The following STARD9 variants were observed in gnomAD, a reference collection of about 807,000 sequenced individuals.
STARD9 encodes the protein StAR related lipid transfer domain containing 9.
STARD9 carries 346 observed loss-of-function variants against 399.8 expected under a neutral mutation model. That is an observed-to-expected ratio of 0.87 (90% CI 0.79 to 0.95). The LOEUF (loss-of-function observed/expected upper bound fraction) is 0.95, where lower values mean the gene tolerates loss of function less well. STARD9 is among the 40% of genes least tolerant of loss of function. The probability of loss-of-function intolerance (pLI) is 0.00; values close to 1 mark genes in which losing one functional copy is unlikely to be tolerated. For missense variants in STARD9, 5,832 were observed against 5,667.5 expected, an observed-to-expected ratio of 1.03 and a Z score of -0.93; for synonymous variants, 2,203 against 2,143.5, an observed-to-expected ratio of 1.03 and a Z score of -0.77.
chr15:42,581,381 G>T, intron 1 of STARD9: 1 of 1,483,492 alleles, frequency 6.7e-7, no homozygotes. Flanking sequence ...CCTCGGGCGT[G>T]GTGCAATAGT....
intron 26 of STARD9, among the ~76,000 whole-genome samples, chr15:42,698,949 G>A (rs1449801887): frequency 6.6e-6 from 1 of 151,742 alleles, no homozygotes; most frequent in Non-Finnish European, 1.5e-5. Context: ...TCTACCCTGC[G>A]GTAGTGTTAG....
intron 1 of STARD9, among the ~76,000 whole-genome samples, chr15:42,582,915 T>G (rs867140574): frequency 1.3e-5 from 2 of 152,350 alleles, no homozygotes; most frequent in South Asian, 4.1e-4. Context: ...CTAGGCTTCC[T>G]GGTCAGACAA....
chr15:42,692,838 C>T lies in STARD9; in HGVS notation c.11260C>T (p.Pro3754Ser), dbSNP rs1460220351. Residue 3754 changes from proline (P) to serine (S), a missense_variant, in exon 23 of 33, where the codon CCT becomes TCT. Pro to Ser is a moderately conservative substitution (Grantham distance 74, BLOSUM62 -1). Around this residue, in one of 2 missense-constraint regions of STARD9, gnomAD observed 5,828 missense variants for 5,651.1 expected, o/e 1.03. Transcript: ENST00000290607. ...GTGCCTCCAGACTTCAGAGGCTGAA[C>T]CTCAGGGAGCCAATGTGATCCTTGA... ...TLCLQTSEAEPQGANVILEGL... is the reference protein window; with the variant it reads ...TLCLQTSEAESQGANVILEGL... The T allele has an allele frequency of 6.5e-7, 1 of 1,537,236 alleles. No homozygotes were observed. Among genetic ancestry groups the T allele is most frequent in the Non-Finnish European group, 8.7e-7 (1 of 1,146,918 alleles).
intron 10 of STARD9, among the ~76,000 whole-genome samples, chr15:42,662,062 G>T (rs1315845074): frequency 6.6e-6 from 1 of 152,078 alleles, no homozygotes; most frequent in Non-Finnish European, 1.5e-5. Flanking sequence ...GAGGTGGGAG[G>T]ATCACTTGAG....
intron 3 of STARD9, among the ~76,000 whole-genome samples, chr15:42,608,286 G>C (rs1374829292): frequency 6.6e-6 from 1 of 152,156 alleles, no homozygotes; most frequent in Non-Finnish European, 1.5e-5. Context: ...AGTGTGGCTT[G>C]AGGGAAGACA....
chr15:42,587,284 G>T (rs1419782048), intron 3 of STARD9, among the ~76,000 whole-genome samples: 1 of 152,156 alleles, frequency 6.6e-6, no homozygotes, highest in Non-Finnish European at 1.5e-5. Flanking sequence ...CACAGATTTA[G>T]ATATTTCTAA....
chr15:42,695,692 G>A, intron 25 of STARD9, 51 bp from the exon 26 acceptor site: 1 of 1,514,664 alleles, frequency 6.6e-7, no homozygotes, highest in Non-Finnish European at 8.8e-7. Context: ...CGTGGCCTGG[G>A]GAAAGTGAGG....
chr15:42,634,388 A>T (rs2059383142), intron 3 of STARD9, among the ~76,000 whole-genome samples: 1 of 152,208 alleles, frequency 6.6e-6, no homozygotes, highest in Non-Finnish European at 1.5e-5. Flanking sequence ...TGTAGAAAAT[A>T]AATGCATGTG....
chr15:42,716,600 G>A (rs2061355262), intron 26 of STARD9, 77 bp from the exon 27 acceptor site: 6 of 910,260 alleles, frequency 6.6e-6, no homozygotes, highest in Admixed American at 2.0e-5. Context: ...TGGAAGCTGT[G>A]AGATGCAGTT....
intron 1 of STARD9, among the ~76,000 whole-genome samples, chr15:42,583,072 G>A (rs1371443866): frequency 6.6e-6 from 1 of 152,194 alleles, no homozygotes; most frequent in Non-Finnish European, 1.5e-5. Flanking sequence ...AGCGTAAGAT[G>A]AAGAACAATA....
intron 3 of STARD9, among the ~76,000 whole-genome samples, chr15:42,621,383 A>G (rs1330617299): frequency 6.6e-6 from 1 of 152,168 alleles, no homozygotes; most frequent in African/African-American, 2.4e-5. Flanking sequence ...ACCTGTTACT[A>G]TCATTGCTTA....
At position 42,690,688 on chromosome 15, in the gene STARD9, CAGAG is replaced by C. The variant is rs918697870; in HGVS notation, c.9113_9116del (p.Glu3038AlafsTer27). 8.5e-6 allele frequency: 13 copies of C among 1,537,110 alleles called. No homozygotes were observed. The African/African-American group carries it at 1.1e-4, about 13-fold the overall frequency. On this transcript the variant is annotated frameshift_variant, in exon 23 of 33. Coordinates refer to ENST00000290607, the MANE Select transcript of STARD9 (RefSeq NM_020759.3). LOFTEE classifies it high-confidence loss of function. ...GATGTTAACAGGGAATTTAGGCTAA[CAGAG>C]AGCAGCACTTGTGAGCCTTCTACTG...
At position 42,692,801 on chromosome 15, in the gene STARD9, C is replaced by T; in HGVS notation, c.11223C>T (p.Thr3741=). 6.5e-7 allele frequency: 1 copy of T among 1,537,204 alleles called. No individual in the cohort carries two copies. The highest frequency in any genetic ancestry group is 8.7e-7 in the Non-Finnish European group (1 of 1,146,908). The change falls in exon 23 of 33, where the codon ACC becomes ACT. Residue 3741 remains threonine, a synonymous_variant. Transcript: ENST00000290607. ...TVDEGSQTDL[T]LPTLCLQTSE... ...ATGAGGGCAGCCAGACTGACCTCAC[C>T]TTACCCACCCTGTGCCTCCAGACTT...
At chr15:42,699,170 G>C (rs551210946) in intron 26 of STARD9, among the ~76,000 whole-genome samples, 32 of 151,972 alleles carry the variant, frequency 2.1e-4, no homozygotes, top group Admixed American at 4.6e-4. Context: ...TCATTTCTTT[G>C]TGGTGATAAC....
At chr15:42,704,008 A>AGC (rs914171394) in intron 26 of STARD9, among the ~76,000 whole-genome samples, 12 of 152,042 alleles carry the variant, frequency 7.9e-5, no homozygotes, top group African/African-American at 2.7e-4. Flanking sequence ...CCCGGGTTCA[A>AGC]GCGATTCTCC....
Position 42,691,852 on chromosome 15 carries a change from G to C in STARD9, c.10274G>C (p.Trp3425Ser). The change falls in exon 23 of 33, where the codon TGG (tryptophan) becomes TCG (serine). Residue 3425 changes from tryptophan (W) to serine (S), a missense_variant. Around this residue, in one of 2 missense-constraint regions of STARD9, gnomAD observed 5,828 missense variants for 5,651.1 expected, o/e 1.03. Coordinates refer to ENST00000290607, the MANE Select transcript of STARD9 (RefSeq NM_020759.3). ...HMPTPDFTTS[W>S]MSGTLEQAQQ... ...CCAACCCCTGATTTCACGACCAGCT[G>C]GATGTCTGGTACTTTGGAACAAGCC... 5 of 1,537,250 alleles carry C rather than the reference G, an allele frequency of 3.3e-6. No homozygotes were observed. Among genetic ancestry groups the C allele is most frequent in the Non-Finnish European group, 4.4e-6 (5 of 1,146,914 alleles).
intron 3 of STARD9, among the ~76,000 whole-genome samples, chr15:42,617,487 C>T (rs949052424): frequency 4.6e-5 from 7 of 151,760 alleles, no homozygotes; most frequent in African/African-American, 1.7e-4. Context: ...CTCAGTCTCC[C>T]GAGTAGCTGG....
intron 3 of STARD9, among the ~76,000 whole-genome samples, chr15:42,610,578 C>A (rs1264065935): frequency 6.6e-6 from 1 of 152,136 alleles, no homozygotes; most frequent in Non-Finnish European, 1.5e-5. Context: ...GACAGAGTCT[C>A]ACTCTTGTCG....
intron 2 of STARD9, among the ~76,000 whole-genome samples, chr15:42,584,353 T>C (rs911832731): frequency 5.9e-5 from 9 of 152,352 alleles, no homozygotes; most frequent in Non-Finnish European, 1.3e-4. Flanking sequence ...CCTTTTATTC[T>C]CTGCTGTCTC....
Sources: gnomAD v4.1 joint callset for allele counts (sites outside exome capture counted in the v4.1 genomes callset) on GRCh38, gnomAD v4.1.1 for gene constraint, gnomAD v4.1.1 regional missense constraint, MANE v1.5 for transcripts, NCBI Gene and HGNC (gene_info 2026-07-23, HGNC 2026-07-21) for gene names.